The following STX18 variants were observed in gnomAD, a reference collection of about 807,000 sequenced individuals.
STX18 encodes syntaxin 18.
In STX18, 40 loss-of-function variants were observed where a neutral mutation model predicts 50.1. The ratio of observed to expected loss-of-function variants is 0.80; its 90% CI spans 0.62 to 1.04. The LOEUF is 1.04. Ranked by LOEUF, STX18 falls within the 50% of genes least tolerant of loss-of-function variation. STX18 has a pLI of 0.00. For synonymous variants in STX18, 158 were observed against 151.8 expected, an observed-to-expected ratio of 1.04 and a Z score of -0.30; for missense variants, 410 against 415.8, an observed-to-expected ratio of 0.99 and a Z score of 0.12.
chr4:4,500,055 T>C (rs189364221), intron 1 of STX18, among the ~76,000 whole-genome samples: 62 of 152,148 alleles, frequency 4.1e-4, no homozygotes, highest in East Asian at 2.7e-3. Flanking sequence ...CTATCTTCAA[T>C]GGGATTTTTA....
rs1725186720 is a variant in STX18 at position 4,425,232 on chromosome 4, A to G, written c.703-10T>C. On this transcript the variant is annotated splice_polypyrimidine_tract_variant and intron_variant, in intron 7 of 10. Transcript: ENST00000306200. The stretch of plus-strand genomic sequence containing the variant: ...GATTTTCCTGTTCAAACTGTGAGGA[A>G]ACAGACACACTCAGGATGACATCAT... The G allele has an allele frequency of 1.9e-6, 3 of 1,613,292 alleles. No homozygotes were observed. The highest frequency in any genetic ancestry group is 2.5e-6 in the Non-Finnish European group (3 of 1,179,224).
chr4:4,526,454 G>A (rs1275984716), intron 1 of STX18, among the ~76,000 whole-genome samples: 2 of 152,176 alleles, frequency 1.3e-5, no homozygotes, highest in African/African-American at 2.4e-5. Flanking sequence ...ATGGCAGTCA[G>A]GGTGGAGGAG....
chr4:4,479,681 A>AT (rs1486266456), intron 1 of STX18, among the ~76,000 whole-genome samples: 4 of 152,216 alleles, frequency 2.6e-5, no homozygotes, highest in Non-Finnish European at 4.4e-5. Flanking sequence ...AATGACGCTA[A>AT]TTTCCTAGAT....
Position 4,457,422 on chromosome 4 carries a change from C to T in STX18, c.430+1G>A, listed in dbSNP as rs761396530. ...TTGACCTTTAAAAGAAAATGAAATA[C>T]TTTTCAAGTAATCTTCAATGAAATC... On this transcript the variant is annotated splice_donor_variant, in intron 4 of 10. Coordinates refer to ENST00000306200, the MANE Select transcript of STX18 (RefSeq NM_016930.4). LOFTEE classifies it high-confidence loss of function. The T allele has an allele frequency of 3.1e-6, 5 of 1,612,048 alleles. No homozygotes were observed. Among genetic ancestry groups the T allele is most frequent in the Admixed American group, 3.3e-5 (2 of 59,750 alleles).
chr4:4,507,815 TAAA>T (rs879049430), intron 1 of STX18: 7,305 of 216,478 alleles, frequency 0.034, 1 homozygote, highest in South Asian at 0.047. Flanking sequence ...ATATTCACAG[TAAA>T]AAAAAAAAAA....
chr4:4,483,208 C>A (rs1423578489), intron 1 of STX18, among the ~76,000 whole-genome samples: 1 of 152,076 alleles, frequency 6.6e-6, no homozygotes, highest in African/African-American at 2.4e-5. Context: ...CGTATAGCTT[C>A]CTTTCTAATA....
chr4:4,513,554 A>G lies in STX18; in HGVS notation c.168+28243T>C, dbSNP rs1031137979. ...TCTTGGATCTTATGGTTGCTTTTAG[A>G]GGCCACATTCCCCGGTGAGCAACAT... is the stretch of plus-strand genomic sequence containing the variant. On this transcript the variant is annotated intron_variant, in intron 1 of 10. Coordinates refer to ENST00000306200, the MANE Select transcript of STX18 (RefSeq NM_016930.4). Among the ~76,000 whole-genome samples, 19 of 152,190 alleles carry G rather than the reference A, an allele frequency of 1.2e-4. 1 individual carries two copies. Among genetic ancestry groups the G allele is most frequent in the Non-Finnish European group, 4.4e-5 (3 of 68,042 alleles).
chr4:4,464,339 A>C (rs907727616), intron 2 of STX18, among the ~76,000 whole-genome samples: 1 of 152,202 alleles, frequency 6.6e-6, no homozygotes, highest in Admixed American at 6.5e-5. Context: ...GTTGCTTATA[A>C]TGTTTTTTTC....
intron 5 of STX18, among the ~76,000 whole-genome samples, chr4:4,445,068 C>T (rs1301672164): frequency 2.6e-5 from 4 of 152,080 alleles, no homozygotes; most frequent in Non-Finnish European, 5.9e-5. Flanking sequence ...TACTGTTATT[C>T]ACATATGGTA....
At chr4:4,524,657 A>C (rs2108911140) in intron 1 of STX18, among the ~76,000 whole-genome samples, 1 of 152,388 alleles carries the variant, frequency 6.6e-6, no homozygotes, top group Non-Finnish European at 1.5e-5. Context: ...GGCAGAACAG[A>C]GGGAGTAAGA....
chr4:4,438,521 T>A lies in STX18; in HGVS notation c.498-12A>T. ...GTTCCAGCTTAGATCTAAAAATAAA[T>A]AATTAGCAGGCAGGTATTTTATTTC... On this transcript the variant is annotated splice_polypyrimidine_tract_variant and intron_variant, in intron 5 of 10. Transcript: ENST00000306200. 2 of 1,579,876 alleles carry A rather than the reference T, an allele frequency of 1.3e-6. No individual in the cohort carries two copies. The highest frequency in any genetic ancestry group is 1.7e-6 in the Non-Finnish European group (2 of 1,154,146).
At chr4:4,519,309 T>C (rs1730414897) in intron 1 of STX18, among the ~76,000 whole-genome samples, 1 of 152,210 alleles carries the variant, frequency 6.6e-6, no homozygotes, top group Admixed American at 6.5e-5. Context: ...GTAGTTCATC[T>C]ATTTTTAATA....
At chr4:4,428,387 G>A (rs1725359109) in intron 7 of STX18, among the ~76,000 whole-genome samples, 1 of 152,242 alleles carries the variant, frequency 6.6e-6, no homozygotes, top group Admixed American at 6.5e-5. Flanking sequence ...CTGTTTTGGA[G>A]GTCACAATCT....
At chr4:4,461,233 T>C (rs906206918) in intron 2 of STX18, among the ~76,000 whole-genome samples, 15 of 152,200 alleles carry the variant, frequency 9.9e-5, no homozygotes, top group African/African-American at 4.8e-5. Flanking sequence ...ACCTTCTAAA[T>C]TGAAAATTGA....
chr4:4,505,617 T>TA lies in STX18; in HGVS notation c.169-33912dup, dbSNP rs1362339110. ...CAACACGGCGAAACTCCATCTCTGC[T>TA]AAAAATAAAAAAAAAAAAAAAATCA... On this transcript the variant is annotated intron_variant, in intron 1 of 10. Transcript: ENST00000306200. Among the ~76,000 whole-genome samples, 472 of 133,234 alleles carry TA rather than the reference T, an allele frequency of 3.5e-3. 1 individual carries two copies. Among genetic ancestry groups the TA allele is most frequent in the African/African-American group, 9.0e-3 (314 of 34,806 alleles). 87.4% of individuals were successfully genotyped at this position (133,234 alleles called of 152,430 possible).
chr4:4,494,108 G>A, intron 1 of STX18, among the ~76,000 whole-genome samples: 1 of 152,116 alleles, frequency 6.6e-6, no homozygotes, highest in East Asian at 1.9e-4. Flanking sequence ...ATTGTTTTGA[G>A]GGTTACATAA....
At chr4:4,427,374 T>C (rs1252519931) in intron 7 of STX18, among the ~76,000 whole-genome samples, 2 of 152,236 alleles carry the variant, frequency 1.3e-5, no homozygotes, top group Non-Finnish European at 2.9e-5. Flanking sequence ...ACAAAGGCTA[T>C]TTAAGAGAGT....
At chr4:4,439,175 CT>C (rs1252798512) in intron 5 of STX18, among the ~76,000 whole-genome samples, 1 of 117,270 alleles carries the variant, frequency 8.5e-6, no homozygotes, top group African/African-American at 3.3e-5. Flanking sequence ...ATATAACCCC[CT>C]ACATACACAC....
chr4:4,474,327 C>G (rs1039970283), intron 1 of STX18, among the ~76,000 whole-genome samples: 3 of 125,342 alleles, frequency 2.4e-5, no homozygotes, highest in Non-Finnish European at 4.7e-5. Context: ...TTCCCCAGAG[C>G]TTGTCAGGCA....
Sources: allele counts gnomAD v4.1 joint callset (sites outside exome capture counted in the v4.1 genomes callset), GRCh38; gene constraint gnomAD v4.1.1; transcripts MANE v1.5; gene names NCBI Gene and HGNC (gene_info 2026-07-23, HGNC 2026-07-21).